The following DRC3 variants were observed in gnomAD, a reference collection of about 807,000 sequenced individuals.
DRC3 encodes the protein dynein regulatory complex subunit 3.
Under a neutral mutation model 57.6 loss-of-function variants are expected in DRC3, and 45 were observed. The observed-to-expected ratio is 0.78, with a 90% CI of 0.62 to 1.00. The LOEUF (loss-of-function observed/expected upper bound fraction) is 1.00. Ranked by LOEUF, DRC3 falls within the 50% of genes least tolerant of loss-of-function variation. The pLI is 0.00. For missense variants in DRC3, 655 were observed against 675.2 expected, an observed-to-expected ratio of 0.97 and a Z score of 0.33; for synonymous variants, 257 against 272.3, an observed-to-expected ratio of 0.94 and a Z score of 0.55.
chr17:18,013,437 C>G (rs982160693), intron 12 of DRC3, among the ~76,000 whole-genome samples: 3 of 152,126 alleles, frequency 2.0e-5, no homozygotes, highest in Admixed American at 6.6e-5. Context: ...AAATGTGGTA[C>G]CTATACACAA....
rs78642044 is a variant in DRC3, at chr17:17,995,922, A to G, written c.824+811A>G. The stretch of plus-strand genomic sequence containing the variant: ...ATTTGAGACCAGTCTAGGCTAGGCA[A>G]TGTAGTGAGACCCTATCTGTATTAG... On this transcript the variant is annotated intron_variant, in intron 8 of 13. Transcript: ENST00000399187. Among the ~76,000 whole-genome samples, 764 of 152,348 alleles carry G rather than the reference A, an allele frequency of 5.0e-3. 7 individuals carry two copies. Among genetic ancestry groups the G allele is most frequent in the African/African-American group, 0.018 (739 of 41,592 alleles).
In DRC3 at chr17:18,000,891, T is replaced by G. The variant is rs577562718; in HGVS notation, c.999+3257T>G. 6.6e-5 allele frequency among the ~76,000 whole-genome samples: 10 copies of G among 152,210 alleles called. No individual in the cohort carries two copies. In the South Asian group the frequency reaches 2.1e-3, roughly 32 times the overall value. On this transcript the variant is annotated intron_variant, in intron 9 of 13. Transcript: ENST00000399187. ...TTTGGTTTTTGGTTTCTCTCTCTCT[T>G]CTTAAATTATTTATTATTATTATTT...
chr17:18,011,646 G>C (rs924742080), intron 12 of DRC3: 1 of 195,442 alleles, frequency 5.1e-6, no homozygotes, highest in Non-Finnish European at 1.1e-5. Flanking sequence ...GTGCCACCCT[G>C]GGCAACTTTG....
rs546301626 is a variant in DRC3 at position 18,007,527 on chromosome 17, T to C, written c.1326+380T>C. On this transcript the variant is annotated intron_variant, in intron 12 of 13. Transcript: ENST00000399187. ...ACCTTAGAGTCTGTATAATGAGTAC[T>C]GTGGGGGTGTTGGAACCACCATTTC... 34 of 1,535,244 alleles carry C rather than the reference T, an allele frequency of 2.2e-5. No homozygotes were observed. In the African/African-American group the frequency reaches 4.3e-4, roughly 19 times the overall value.
rs141555313 is a variant in DRC3, at chr17:17,994,579, G to C, written c.711+161G>C. On this transcript the variant is annotated intron_variant, in intron 7 of 13. Coordinates refer to ENST00000399187, the MANE Select transcript of DRC3 (RefSeq NM_031294.4). ...CCTCTCCCTTCCTGGCTCATCTGCTGTCTGCCCCAGGGCCAGCTCCGTCTC... is the reference window on the plus strand; with the variant it reads ...CCTCTCCCTTCCTGGCTCATCTGCTCTCTGCCCCAGGGCCAGCTCCGTCTC... Among the ~76,000 whole-genome samples, 335 of 152,310 alleles carry C rather than the reference G, an allele frequency of 2.2e-3. 1 individual carries two copies. Among genetic ancestry groups the C allele is most frequent in the Admixed American group, 3.7e-3 (57 of 15,304 alleles).
At position 18,007,158 on chromosome 17, in the gene DRC3, C is replaced by CGGGCG; in HGVS notation, c.1326+15_1326+16insGGGGC. On this transcript the variant is annotated intron_variant, in intron 12 of 13. Transcript: ENST00000399187. ...AACGACCTGCGCGCGGTAGGCGGGG[C>CGGGCG]GGGCTGCTCGGAGCCTGACAGATGT... is the stretch of plus-strand genomic sequence containing the variant. The CGGGCG allele has an allele frequency of 6.0e-6, 6 of 993,938 alleles. 2 individuals are homozygous for CGGGCG. Among genetic ancestry groups the CGGGCG allele is most frequent in the Non-Finnish European group, 8.5e-6 (6 of 704,810 alleles). The allele number at this position is 993,938 out of a possible 1,614,324, so 61.6% of individuals were successfully genotyped here.
intron 2 of DRC3, among the ~76,000 whole-genome samples, chr17:17,975,382 T>TG (rs1383542615): frequency 6.6e-6 from 1 of 151,952 alleles, no homozygotes; most frequent in Non-Finnish European, 1.5e-5. Flanking sequence ...CAGCTAATTT[T>TG]TGTATTTTTA....
At chr17:17,977,029 G>C (rs188383875) in intron 2 of DRC3, among the ~76,000 whole-genome samples, 1 of 152,150 alleles carries the variant, frequency 6.6e-6, no homozygotes, top group South Asian at 2.1e-4. Context: ...CATCTCCCAC[G>C]GGGAGGACGT....
At chr17:17,979,967 G>A (rs1395792505) in intron 3 of DRC3, among the ~76,000 whole-genome samples, 1 of 151,968 alleles carries the variant, frequency 6.6e-6, no homozygotes, top group African/African-American at 2.4e-5. Flanking sequence ...CCCAGCCCTG[G>A]GAACCCAGGA....
rs762643004 is a variant in DRC3 at position 18,008,655 on chromosome 17, G to A, written c.1326+1508G>A. ...GACAGACACCCAACATAGCAGTGTG[G>A]TGATAGGGTCACCGTGACACCAGCC... On this transcript the variant is annotated intron_variant, in intron 12 of 13. Coordinates refer to ENST00000399187, the MANE Select transcript of DRC3 (RefSeq NM_031294.4). This position sits in a 1 kb window ranked among gnomAD's most constrained non-coding sequence, Gnocchi z 4.3. 2.0e-5 allele frequency among the ~76,000 whole-genome samples: 3 copies of A among 152,222 alleles called. No homozygotes were observed. In the East Asian group the frequency reaches 5.8e-4, roughly 29 times the overall value.
Position 17,997,381 on chromosome 17 carries a change from C to T in DRC3, c.825-79C>T, listed in dbSNP as rs888255305. On this transcript the variant is annotated intron_variant, in intron 8 of 13. Transcript: ENST00000399187. ...TTGAGCGCACAGTCTGTGCACTGTG[C>T]CAGGGTTACCAACACCTTGGCCGTG... is the stretch of plus-strand genomic sequence containing the variant. 10 of 1,393,876 alleles carry T rather than the reference C, an allele frequency of 7.2e-6. No individual in the cohort carries two copies. In the African/African-American group the frequency reaches 1.4e-4, roughly 20 times the overall value. 86.3% of individuals were successfully genotyped at this position (1,393,876 alleles called of 1,614,324 possible).
intron 13 of DRC3, 149 bp from the exon 14 acceptor site, chr17:18,016,409 C>A: frequency 1.3e-6 from 1 of 771,548 alleles, no homozygotes; most frequent in Non-Finnish European, 2.1e-6. Context: ...CTCAAATATA[C>A]AGAGATCAGC....
intron 6 of DRC3, 139 bp downstream of exon 6, chr17:17,993,050 C>G: frequency 2.4e-6 from 2 of 837,232 alleles, no homozygotes; most frequent in Non-Finnish European, 3.7e-6. Flanking sequence ...TTCCTAATCC[C>G]TTTACCTGAC....
At chr17:17,992,607 GAACACCCCCACGCCTGC>G (rs1210857059) in intron 5 of DRC3, among the ~76,000 whole-genome samples, 141 bp from the exon 6 acceptor site, 2 of 152,046 alleles carry the variant, frequency 1.3e-5, no homozygotes, top group Non-Finnish European at 2.9e-5. Flanking sequence ...TCCCAGCCTG[GAACACCCCCACGCCTGC>G]ACACTGCCTG....
chr17:17,983,956 T>C lies in DRC3; in HGVS notation c.277+12T>C. 1 of 1,547,926 alleles carries C rather than the reference T, an allele frequency of 6.5e-7. No individual in the cohort carries two copies. Among genetic ancestry groups the C allele is most frequent in the Non-Finnish European group, 8.9e-7 (1 of 1,121,014 alleles). ...CCTGGTCTGGCTGGGTAAGGCCCTT[T>C]CCTCTGTGTGTCCACCCTAATCGAA... On this transcript the variant is annotated intron_variant, in intron 4 of 13. Coordinates refer to ENST00000399187, the MANE Select transcript of DRC3 (RefSeq NM_031294.4).
At chr17:17,977,797 C>CTTTCTCTGCT (rs753768666) in intron 3 of DRC3, 39 bp downstream of exon 3, 1 of 1,528,262 alleles carries the variant, frequency 6.5e-7, no homozygotes, top group East Asian at 2.3e-5. Flanking sequence ...CCAGGGTGGG[C>CTTTCTCTGCT]CCTCCCTGGC....
chr17:17,998,686 C>T (rs544027493), intron 9 of DRC3, among the ~76,000 whole-genome samples: 49 of 152,244 alleles, frequency 3.2e-4, no homozygotes, highest in African/African-American at 1.1e-3. Flanking sequence ...GCCTCCCCAA[C>T]GGCCACCCCC....
chr17:17,996,384 A>G (rs2043459284), intron 8 of DRC3, among the ~76,000 whole-genome samples: 1 of 152,236 alleles, frequency 6.6e-6, no homozygotes, highest in Admixed American at 6.5e-5. Context: ...GCAGAAGGCA[A>G]GGAGGAGCAA....
At chr17:17,983,703 G>T in intron 3 of DRC3, 125 bp from the exon 4 acceptor site, 1 of 642,688 alleles carries the variant, frequency 1.6e-6, no homozygotes, top group Non-Finnish European at 2.7e-6. Flanking sequence ...CAGGGTGCCT[G>T]CGTACTCCAG....
Sources: allele counts gnomAD v4.1 joint callset (sites outside exome capture counted in the v4.1 genomes callset), GRCh38; gene constraint gnomAD v4.1.1; non-coding constraint Gnocchi (gnomAD v3.1); transcripts MANE v1.5; gene names NCBI Gene and HGNC (gene_info 2026-07-23, HGNC 2026-07-21).